The following PKNOX2 variants were observed in gnomAD, a reference collection of about 807,000 sequenced individuals.
PKNOX2 encodes homeobox protein PKNOX2.
A neutral mutation model predicts 53.1 loss-of-function variants in PKNOX2; 14 were observed. The observed-to-expected ratio is 0.26, with a 90% CI of 0.17 to 0.41. The LOEUF (loss-of-function observed/expected upper bound fraction) is 0.41. PKNOX2 is among the 10% of genes least tolerant of loss of function. The pLI is 1.00. For synonymous variants in PKNOX2, 257 were observed against 242.8 expected (o/e 1.06, Z -0.54); for missense variants, 496 against 602.8 (o/e 0.82, Z 1.85).
intron 3 of PKNOX2, among the ~76,000 whole-genome samples, chr11:125,342,984 G>C (rs892211856): frequency 4.6e-5 from 7 of 152,180 alleles, no homozygotes; most frequent in African/African-American, 1.7e-4. Context: ...GAGATGGAGG[G>C]GCTGGAGAGG....
chr11:125,241,383 C>T (rs1412851069), intron 2 of PKNOX2, among the ~76,000 whole-genome samples: 2 of 152,208 alleles, frequency 1.3e-5, no homozygotes, highest in African/African-American at 4.8e-5. Context: ...TTCCTCCTTA[C>T]AGGCCTTCCC....
At chr11:125,335,001 A>G (rs1591532072) in intron 3 of PKNOX2, among the ~76,000 whole-genome samples, 1 of 152,160 alleles carries the variant, frequency 6.6e-6, no homozygotes, top group Admixed American at 6.5e-5. Flanking sequence ...ATGCACAAGA[A>G]TGCACCTCAC....
At chr11:125,224,537 T>C (rs1370804286) in intron 1 of PKNOX2, among the ~76,000 whole-genome samples, 1 of 152,214 alleles carries the variant, frequency 6.6e-6, no homozygotes, top group East Asian at 1.9e-4. Context: ...CTTGCCTGTT[T>C]ATGGTGAAAT....
At chr11:125,384,679 C>T (rs1166786255) in intron 5 of PKNOX2, among the ~76,000 whole-genome samples, 3 of 151,856 alleles carry the variant, frequency 2.0e-5, no homozygotes, top group South Asian at 4.2e-4. Context: ...AGCGAGACTC[C>T]GTCTCAAAAA....
rs181884439 is a variant in PKNOX2, at chr11:125,316,613, C to T, written c.-129-15206C>T. ...CCAGGGCATATAAAAGTTATGTTTA[C>T]ACTATACTGTAGTCTATTAAGTGTG... On this transcript the variant is annotated intron_variant, in intron 2 of 12. Transcript: ENST00000298282. Among the ~76,000 whole-genome samples the T allele has an allele frequency of 2.4e-3, 370 of 152,336 alleles. 2 individuals carry two copies. The highest frequency in any genetic ancestry group is 1.9e-3 in the Non-Finnish European group (126 of 68,032).
At chr11:125,392,318 C>T (rs548425269) in intron 6 of PKNOX2, among the ~76,000 whole-genome samples, 4 of 152,342 alleles carry the variant, frequency 2.6e-5, no homozygotes, top group Non-Finnish European at 5.9e-5. Context: ...TAACAGAGAG[C>T]GGGCTCGGAC....
intron 10 of PKNOX2, among the ~76,000 whole-genome samples, chr11:125,413,523 C>G (rs1224721500): frequency 6.6e-6 from 1 of 152,212 alleles, no homozygotes; most frequent in Non-Finnish European, 1.5e-5. Context: ...CACCCGCTCC[C>G]AACTGCTCGT....
chr11:125,367,879 C>G lies in PKNOX2; in HGVS notation c.121C>G (p.Gln41Glu), dbSNP rs371722377. 6 of 1,613,418 alleles carry G rather than the reference C, an allele frequency of 3.7e-6. No homozygotes were observed. The highest frequency in any genetic ancestry group is 1.1e-5 in the South Asian group (1 of 91,024). The change falls in exon 5 of 13, where the codon CAG (glutamine) becomes GAG (glutamate). Residue 41 changes from glutamine to glutamate, a missense_variant. By Grantham distance (29) the Gln-to-Glu change is conservative. Coordinates refer to ENST00000298282, the MANE Select transcript of PKNOX2 (RefSeq NM_001382323.2). ...AACCGCCCAGCCACCCTCCAAGGCC[C>G]AGGCTGTCCACATCTCTGCCCCCTC... is the stretch of plus-strand genomic sequence containing the variant. ...TATAQPPSKA[Q>E]AVHISAPSAA...
At chr11:125,235,332 T>A (rs1202493311) in intron 2 of PKNOX2, among the ~76,000 whole-genome samples, 1 of 152,218 alleles carries the variant, frequency 6.6e-6, no homozygotes, top group South Asian at 2.1e-4. Context: ...TAGACTATAT[T>A]GATTGTGCAT....
At chr11:125,362,594 C>T (rs111729552) in intron 4 of PKNOX2, among the ~76,000 whole-genome samples, 3,211 of 152,188 alleles carry the variant, frequency 0.021, 112 homozygotes, top group African/African-American at 0.073. Flanking sequence ...TGGTCTTGAA[C>T]TCCTGGCTTC....
intron 2 of PKNOX2, among the ~76,000 whole-genome samples, chr11:125,319,401 G>A (rs920562469): frequency 1.3e-5 from 2 of 152,200 alleles, no homozygotes; most frequent in Admixed American, 6.5e-5. Context: ...AGTACCTGCT[G>A]TTGGAAAAAT....
At chr11:125,335,003 G>A (rs1468147374) in intron 3 of PKNOX2, among the ~76,000 whole-genome samples, 1 of 152,174 alleles carries the variant, frequency 6.6e-6, no homozygotes, top group Non-Finnish European at 1.5e-5. Flanking sequence ...GCACAAGAAT[G>A]CACCTCACAC....
In PKNOX2 at chr11:125,356,414, G is replaced by A. The variant is rs185272656; in HGVS notation, c.87+5022G>A. 8.5e-5 allele frequency among the ~76,000 whole-genome samples: 13 copies of A among 152,364 alleles called. 1 individual carries two copies. The East Asian group carries it at 2.5e-3, about 29-fold the overall frequency. ...CTCATTTTTGAACAGAGAGAGAAAA[G>A]ACAGGCAGTTAGAACTCGTAGTTGA... On this transcript the variant is annotated intron_variant, in intron 4 of 12. Coordinates refer to ENST00000298282, the MANE Select transcript of PKNOX2 (RefSeq NM_001382323.2).
intron 1 of PKNOX2, among the ~76,000 whole-genome samples, chr11:125,207,117 AG>A (rs1939215522): frequency 6.6e-6 from 1 of 151,820 alleles, no homozygotes; most frequent in Admixed American, 6.6e-5. Context: ...ACCTCATTCT[AG>A]GGGGGTGGTG....
At position 125,268,115 on chromosome 11, in the gene PKNOX2, C is replaced by T. The variant is rs530599402; in HGVS notation, c.-130+33000C>T. Among the ~76,000 whole-genome samples the T allele has an allele frequency of 7.2e-5, 11 of 152,318 alleles. No homozygotes were observed. The East Asian group carries it at 1.2e-3, about 16-fold the overall frequency. Reference sequence around the variant, plus strand: ...AGGGAAAACAGGAGCAAGGACACAGCGGGCCCTCATGGGAGCAGATGCAGT... The same window carrying T: ...AGGGAAAACAGGAGCAAGGACACAGTGGGCCCTCATGGGAGCAGATGCAGT... On this transcript the variant is annotated intron_variant, in intron 2 of 12. Transcript: ENST00000298282.
At chr11:125,349,220 G>T (rs1401171856) in intron 3 of PKNOX2, among the ~76,000 whole-genome samples, 1 of 152,130 alleles carries the variant, frequency 6.6e-6, no homozygotes, top group Non-Finnish European at 1.5e-5. Flanking sequence ...GTCTCAAAAA[G>T]TCTATATCTT....
intron 1 of PKNOX2, among the ~76,000 whole-genome samples, chr11:125,216,750 C>G (rs951551125): frequency 6.6e-6 from 1 of 152,184 alleles, no homozygotes; most frequent in Non-Finnish European, 1.5e-5. Flanking sequence ...CCTCCCTCCT[C>G]CCCTCCACTG....
intron 10 of PKNOX2, among the ~76,000 whole-genome samples, chr11:125,414,150 C>T (rs571240021): frequency 3.3e-5 from 5 of 152,266 alleles, no homozygotes; most frequent in Middle Eastern, 3.4e-3. Context: ...TGGTCACTTC[C>T]ACCCAGACTT....
intron 1 of PKNOX2, among the ~76,000 whole-genome samples, chr11:125,192,994 T>A (rs763471253): frequency 6.6e-6 from 1 of 152,180 alleles, no homozygotes; most frequent in Non-Finnish European, 1.5e-5. Context: ...TCCACACAGG[T>A]GAACCACTTG....
Sources: gnomAD v4.1 joint callset for allele counts (sites outside exome capture counted in the v4.1 genomes callset) on GRCh38, gnomAD v4.1.1 for gene constraint, MANE v1.5 for transcripts, NCBI Gene and HGNC (gene_info 2026-07-23, HGNC 2026-07-21) for gene names.